The following CHCHD6 variants were observed in gnomAD, a reference collection of about 807,000 sequenced individuals.
CHCHD6 encodes the protein MICOS complex subunit MIC25.
CHCHD6 carries 28 observed loss-of-function variants against 32.3 expected under a neutral mutation model. The ratio of observed to expected loss-of-function variants is 0.87; its 90% CI spans 0.64 to 1.19. The LOEUF (loss-of-function observed/expected upper bound fraction) is 1.19, where lower values mean the gene tolerates loss of function less well. Ranked by LOEUF, CHCHD6 falls within the 50% of genes most tolerant of loss-of-function variation. CHCHD6 has a pLI of 0.00. For missense variants in CHCHD6, 333 were observed against 307.0 expected (o/e 1.08, Z -0.63); for synonymous variants, 122 against 117.5 (o/e 1.04, Z -0.25).
At position 126,898,472 on chromosome 3, in the gene CHCHD6, A is replaced by G. The variant is rs533292235; in HGVS notation, c.496-16208A>G. Among the ~76,000 whole-genome samples the G allele has an allele frequency of 2.6e-5, 4 of 152,292 alleles. No homozygotes were observed. The South Asian group carries it at 8.3e-4, about 32-fold the overall frequency. ...AGGGGTTTTGTTTGGAATGATAGAG[A>G]TATTTTGGAAGTGGGTAGAAGCATT... On this transcript the variant is annotated intron_variant, in intron 5 of 7. Transcript: ENST00000290913.
chr3:126,747,151 C>G (rs192364469), intron 4 of CHCHD6, among the ~76,000 whole-genome samples: 1 of 152,172 alleles, frequency 6.6e-6, no homozygotes, highest in East Asian at 1.9e-4. Flanking sequence ...CTCTTCATCT[C>G]GTCTCCTTTC....
intron 4 of CHCHD6, among the ~76,000 whole-genome samples, chr3:126,765,379 G>A (rs1433367065): frequency 1.3e-5 from 2 of 152,154 alleles, no homozygotes; most frequent in African/African-American, 4.8e-5. Flanking sequence ...AGCGAGCTCG[G>A]GCACAGGCAC....
chr3:126,769,906 C>T (rs1310496330), intron 4 of CHCHD6, among the ~76,000 whole-genome samples: 2 of 152,172 alleles, frequency 1.3e-5, no homozygotes, highest in African/African-American at 4.8e-5. Context: ...AGCATTGAAT[C>T]TGTAAATTGC....
intron 1 of CHCHD6, among the ~76,000 whole-genome samples, chr3:126,723,968 C>T (rs1412203058): frequency 6.6e-6 from 1 of 152,236 alleles, no homozygotes; most frequent in Non-Finnish European, 1.5e-5. Context: ...TGATCCCCAG[C>T]TTGCTGTTTC....
intron 6 of CHCHD6, among the ~76,000 whole-genome samples, chr3:126,938,514 G>A (rs1479742109): frequency 6.6e-6 from 1 of 152,140 alleles, no homozygotes; most frequent in African/African-American, 2.4e-5. Flanking sequence ...TATTGCTGTC[G>A]ACTCTGTTAA....
At chr3:126,934,181 C>T (rs937591264) in intron 6 of CHCHD6, among the ~76,000 whole-genome samples, 1 of 152,226 alleles carries the variant, frequency 6.6e-6, no homozygotes, top group Non-Finnish European at 1.5e-5. Context: ...GAGTCAAAGA[C>T]AAGCTCCTAC....
At chr3:126,958,388 G>A (rs905126692) in intron 7 of CHCHD6, among the ~76,000 whole-genome samples, 4 of 152,248 alleles carry the variant, frequency 2.6e-5, no homozygotes, top group Admixed American at 6.5e-5. Context: ...ACAGGACGAG[G>A]TCTCCTTTCC....
intron 4 of CHCHD6, among the ~76,000 whole-genome samples, chr3:126,742,080 C>T (rs1409571944): frequency 6.6e-6 from 1 of 152,166 alleles, no homozygotes; most frequent in Non-Finnish European, 1.5e-5. Flanking sequence ...GGTGAGGGAT[C>T]CAGGCCATCT....
chr3:126,830,232 A>T (rs1445570746), intron 4 of CHCHD6, among the ~76,000 whole-genome samples: 12 of 152,230 alleles, frequency 7.9e-5, no homozygotes, highest in Non-Finnish European at 1.8e-4. Flanking sequence ...TGGAAAGTGG[A>T]CACTTCACTG....
At chr3:126,780,557 A>G in intron 4 of CHCHD6, 1 of 185,160 alleles carries the variant, frequency 5.4e-6, no homozygotes, top group Non-Finnish European at 1.1e-5. Flanking sequence ...ATGGCCCCTT[A>G]TCTTCGCCTG....
chr3:126,854,417 G>C (rs557406854), intron 5 of CHCHD6, among the ~76,000 whole-genome samples: 1 of 152,302 alleles, frequency 6.6e-6, no homozygotes, highest in Non-Finnish European at 1.5e-5. Context: ...TGGGAGATAG[G>C]AGGATTAAAG....
At chr3:126,778,725 A>C (rs938054109) in intron 4 of CHCHD6, among the ~76,000 whole-genome samples, 1 of 151,988 alleles carries the variant, frequency 6.6e-6, no homozygotes, top group East Asian at 1.9e-4. Flanking sequence ...CTTTTCACTT[A>C]CTTGATAGTG....
intron 6 of CHCHD6, among the ~76,000 whole-genome samples, chr3:126,934,364 C>T (rs2078447482): frequency 6.6e-6 from 1 of 152,090 alleles, no homozygotes; most frequent in African/African-American, 2.4e-5. Flanking sequence ...ATTAGCTCTA[C>T]AAACAGGCCC....
intron 1 of CHCHD6, among the ~76,000 whole-genome samples, chr3:126,708,452 G>A (rs1312667583): frequency 6.6e-6 from 1 of 152,130 alleles, no homozygotes; most frequent in Non-Finnish European, 1.5e-5. Flanking sequence ...TGGAGGCCAC[G>A]CTGCAGTTCT....
intron 5 of CHCHD6, among the ~76,000 whole-genome samples, chr3:126,855,419 G>A (rs1941629723): frequency 6.6e-6 from 1 of 152,204 alleles, no homozygotes. Context: ...AAGTGTTGGT[G>A]CGTGCTGGGC....
intron 6 of CHCHD6, among the ~76,000 whole-genome samples, chr3:126,951,839 A>G (rs754240550): frequency 6.6e-6 from 1 of 152,240 alleles, no homozygotes; most frequent in African/African-American, 2.4e-5. Context: ...CCTGAGGTCC[A>G]TGGGAGACCT....
chr3:126,915,037 T>G (rs2078149299), intron 6 of CHCHD6, among the ~76,000 whole-genome samples: 1 of 152,382 alleles, frequency 6.6e-6, no homozygotes, highest in East Asian at 1.9e-4. Context: ...GGGGCTCCTT[T>G]CCTTGTGTGG....
At chr3:126,897,424 A>G (rs1202670330) in intron 5 of CHCHD6, among the ~76,000 whole-genome samples, 1 of 152,212 alleles carries the variant, frequency 6.6e-6, no homozygotes. Context: ...TAACTAGGAC[A>G]TTATTAACAG....
intron 4 of CHCHD6, chr3:126,766,695 G>T: frequency 9.0e-7 from 1 of 1,111,492 alleles, no homozygotes; most frequent in Non-Finnish European, 1.4e-6. Flanking sequence ...CACAAGCCAG[G>T]CTCTGGATTA....
Sources: allele counts gnomAD v4.1 joint callset (sites outside exome capture counted in the v4.1 genomes callset), GRCh38; gene constraint gnomAD v4.1.1; transcripts MANE v1.5; gene names NCBI Gene and HGNC (gene_info 2026-07-23, HGNC 2026-07-21).